The following MEI4 variants were observed in gnomAD, a reference collection of about 807,000 sequenced individuals.
MEI4 encodes meiosis-specific protein MEI4.
Under a neutral mutation model 31.4 loss-of-function variants are expected in MEI4, and 27 were observed. That is an observed-to-expected ratio of 0.86 (90% CI 0.63 to 1.19). The LOEUF (loss-of-function observed/expected upper bound fraction) is 1.19, where lower values mean the gene tolerates loss of function less well. Among genes scored for constraint, MEI4 ranks in the 50% most tolerant of loss-of-function variants. MEI4 has a pLI of 0.00. For synonymous variants in MEI4, 122 were observed against 145.4 expected (o/e 0.84, Z 1.16); for missense variants, 329 against 398.9 (o/e 0.82, Z 1.49).
chr6:77,855,245 T>A (rs770464781), intron 4 of MEI4, among the ~76,000 whole-genome samples: 1 of 151,958 alleles, frequency 6.6e-6, no homozygotes, highest in Non-Finnish European at 1.5e-5. Context: ...TTCAGGAGGC[T>A]GAAGCAGGAC....
intron 2 of MEI4, among the ~76,000 whole-genome samples, chr6:77,744,657 C>T (rs923912458): frequency 2.0e-5 from 3 of 152,112 alleles, no homozygotes; most frequent in South Asian, 4.1e-4. Context: ...AACTCCAAGA[C>T]ACGTAATTGT....
At chr6:77,702,514 T>C (rs1199188099) in intron 2 of MEI4, among the ~76,000 whole-genome samples, 1 of 152,228 alleles carries the variant, frequency 6.6e-6, no homozygotes, top group East Asian at 1.9e-4. Flanking sequence ...TGAGAGGCTC[T>C]ATAATAATTT....
At chr6:77,772,540 A>G (rs13210329) in intron 3 of MEI4, among the ~76,000 whole-genome samples, 42,614 of 151,848 alleles carry the variant, frequency 0.28, 6,763 homozygotes, top group South Asian at 0.39. Context: ...AACTGTCAAT[A>G]AACTGGATAT....
intron 4 of MEI4, among the ~76,000 whole-genome samples, chr6:77,841,626 G>A (rs1770367868): frequency 6.6e-6 from 1 of 151,710 alleles, no homozygotes; most frequent in Non-Finnish European, 1.5e-5. Flanking sequence ...ACAGGTGTGA[G>A]CCACCACACC....
intron 2 of MEI4, among the ~76,000 whole-genome samples, chr6:77,728,397 C>T (rs16889369): frequency 5.8e-4 from 79 of 136,194 alleles, no homozygotes; most frequent in Non-Finnish European, 9.3e-4. Context: ...ATAGTTTTTT[C>T]TTGGGTTATA....
chr6:77,764,662 T>G (rs893712608), intron 3 of MEI4, among the ~76,000 whole-genome samples: 4 of 152,156 alleles, frequency 2.6e-5, no homozygotes, highest in Admixed American at 2.6e-4. Flanking sequence ...TACACATTCT[T>G]CTCAAGTGCA....
chr6:77,704,694 G>A (rs1267631138), intron 2 of MEI4, among the ~76,000 whole-genome samples: 3 of 152,126 alleles, frequency 2.0e-5, no homozygotes, highest in African/African-American at 7.2e-5. Flanking sequence ...AGAATCACTG[G>A]TTTAAACAAA....
At chr6:77,916,188 ATCTG>A (rs1467154200) in intron 4 of MEI4, among the ~76,000 whole-genome samples, 1 of 151,904 alleles carries the variant, frequency 6.6e-6, no homozygotes, top group Non-Finnish European at 1.5e-5. Context: ...TGTATTGTCT[ATCTG>A]TGTTCTATCT....
chr6:77,811,087 C>T (rs1026165659), intron 3 of MEI4, among the ~76,000 whole-genome samples: 20 of 152,156 alleles, frequency 1.3e-4, no homozygotes, highest in African/African-American at 4.8e-4. Context: ...TCAGAGACAT[C>T]GTTCCATTGT....
At chr6:77,713,647 G>T (rs936121638) in intron 2 of MEI4, among the ~76,000 whole-genome samples, 1 of 152,136 alleles carries the variant, frequency 6.6e-6, no homozygotes, top group South Asian at 2.1e-4. Flanking sequence ...AGGAATTCAG[G>T]TGTTACTGTG....
At chr6:77,907,035 AT>A (rs70974692) in intron 4 of MEI4, among the ~76,000 whole-genome samples, 46 of 149,188 alleles carry the variant, frequency 3.1e-4, no homozygotes, top group South Asian at 3.0e-3. Context: ...GATCTTGGCT[AT>A]TTTTTTTTTT....
At chr6:77,908,335 A>C (rs1766348228) in intron 4 of MEI4, among the ~76,000 whole-genome samples, 1 of 152,162 alleles carries the variant, frequency 6.6e-6, no homozygotes. Context: ...ATAAGGTGTA[A>C]GGAAGGGATC....
At chr6:77,739,011 A>G (rs181921860) in intron 2 of MEI4, among the ~76,000 whole-genome samples, 9 of 152,134 alleles carry the variant, frequency 5.9e-5, no homozygotes, top group Admixed American at 3.9e-4. Flanking sequence ...AGATTGCAAA[A>G]ATTTTCTCCC....
intron 2 of MEI4, among the ~76,000 whole-genome samples, chr6:77,716,486 C>G (rs1766584716): frequency 6.6e-6 from 1 of 151,600 alleles, no homozygotes; most frequent in Admixed American, 6.6e-5. Context: ...ATAAGATTTG[C>G]AATTGAAAAG....
At chr6:77,673,322 A>G (rs1332687404) in intron 1 of MEI4, among the ~76,000 whole-genome samples, 1 of 152,212 alleles carries the variant, frequency 6.6e-6, no homozygotes, top group Non-Finnish European at 1.5e-5. Flanking sequence ...TGTGCCAGGT[A>G]TTATCATAAG....
intron 1 of MEI4, among the ~76,000 whole-genome samples, chr6:77,666,893 G>A (rs1024288499): frequency 9.2e-5 from 13 of 140,554 alleles, no homozygotes; most frequent in Non-Finnish European, 1.6e-4. Context: ...GCGTGCGTGC[G>A]TGCGTGCATG....
intron 3 of MEI4, among the ~76,000 whole-genome samples, chr6:77,812,247 T>C (rs867425962): frequency 6.6e-6 from 1 of 152,104 alleles, no homozygotes; most frequent in Admixed American, 6.6e-5. Context: ...CTCATATGAA[T>C]AATTATTTTT....
intron 4 of MEI4, among the ~76,000 whole-genome samples, chr6:77,865,824 T>A (rs1771011216): frequency 6.6e-6 from 1 of 151,902 alleles, no homozygotes; most frequent in Admixed American, 6.5e-5. Flanking sequence ...GATGCAAAAA[T>A]CCTCAATAAA....
chr6:77,757,651 GA>G (rs2127680899), intron 2 of MEI4, among the ~76,000 whole-genome samples: 1 of 152,234 alleles, frequency 6.6e-6, no homozygotes, highest in African/African-American at 2.4e-5. Context: ...AGTTTTTCTT[GA>G]AATAATTACA....
Sources: allele counts gnomAD v4.1 joint callset (sites outside exome capture counted in the v4.1 genomes callset), GRCh38; gene constraint gnomAD v4.1.1; transcripts MANE v1.5; gene names NCBI Gene and HGNC (gene_info 2026-07-23, HGNC 2026-07-21).